The following KDM5A variants were observed in gnomAD, a reference collection of about 807,000 sequenced individuals.
KDM5A encodes the protein lysine-specific demethylase 5A.
KDM5A carries 42 observed loss-of-function variants against 193.5 expected under a neutral mutation model. That is an observed-to-expected ratio of 0.22 (90% CI 0.17 to 0.28). The LOEUF is 0.28. KDM5A is among the 10% of genes least tolerant of loss of function. The pLI, the probability that KDM5A is intolerant of heterozygous loss-of-function variation, is 1.00. For synonymous variants in KDM5A, 796 were observed against 718.1 expected (o/e 1.11, Z -1.73); for missense variants, 1,692 against 2,055.1 (o/e 0.82, Z 3.42).
At chr12:373,159 A>C (rs1336643081) in intron 3 of KDM5A, among the ~76,000 whole-genome samples, 1 of 152,234 alleles carries the variant, frequency 6.6e-6, no homozygotes, top group African/African-American at 2.4e-5. Flanking sequence ...ATAGTTTCAG[A>C]AAGAATGGTA....
At chr12:369,558 T>C (rs1020700432) in intron 3 of KDM5A, among the ~76,000 whole-genome samples, 2 of 152,120 alleles carry the variant, frequency 1.3e-5, no homozygotes, top group Non-Finnish European at 2.9e-5. Context: ...AAAGATAATC[T>C]GAAGTATTAA....
At chr12:296,416 C>G (rs1943375246) in intron 25 of KDM5A, among the ~76,000 whole-genome samples, 1 of 152,000 alleles carries the variant, frequency 6.6e-6, no homozygotes, top group Non-Finnish European at 1.5e-5. Context: ...CAGAATCTCT[C>G]CATTTTAGAG....
intron 3 of KDM5A, among the ~76,000 whole-genome samples, chr12:371,391 G>A (rs566267104): frequency 1.4e-3 from 217 of 152,262 alleles, no homozygotes; most frequent in Non-Finnish European, 2.2e-3. Flanking sequence ...TCATGTGTCT[G>A]TTGGCTGCAT....
At chr12:325,083 T>C (rs1021871261) in intron 14 of KDM5A, among the ~76,000 whole-genome samples, 2 of 152,242 alleles carry the variant, frequency 1.3e-5, no homozygotes, top group African/African-American at 2.4e-5. Flanking sequence ...TCTTTCATCA[T>C]ACACTGTTTT....
rs745631640 is a variant in KDM5A, at chr12:311,034, G to T, written c.3067C>A (p.Leu1023Ile). The T allele has an allele frequency of 6.2e-7, 1 of 1,614,178 alleles. No individual in the cohort carries two copies. The highest frequency in any genetic ancestry group is 8.5e-7 in the Non-Finnish European group (1 of 1,180,036). ...CGTCCTTTCGCAGACAAGCTCTCAA[G>T]CTGCTCCAAATAAGCGTAATTGCTG... is the stretch of plus-strand genomic sequence containing the variant. Reference protein sequence around the residue: ...SGSNYAYLEQLESLSAKGRPI... With the variant: ...SGSNYAYLEQIESLSAKGRPI... The change falls in exon 21 of 28, where the codon CTT (leucine) becomes ATT (isoleucine). Residue 1023 changes from leucine to isoleucine, a missense_variant. Physicochemically the swap from Leu to Ile is conservative, Grantham distance 5. Transcript: ENST00000399788.
At chr12:370,518 T>C (rs751771280) in intron 3 of KDM5A, among the ~76,000 whole-genome samples, 2 of 152,190 alleles carry the variant, frequency 1.3e-5, no homozygotes, top group Non-Finnish European at 2.9e-5. Flanking sequence ...ATACATGGCA[T>C]GCACTTGAAT....
At chr12:329,903 A>C (rs1384252381) in intron 13 of KDM5A, among the ~76,000 whole-genome samples, 1 of 152,148 alleles carries the variant, frequency 6.6e-6, no homozygotes, top group African/African-American at 2.4e-5. Context: ...AAGAGAAAAA[A>C]TAAGAAAATG....
intron 7 of KDM5A, 48 bp downstream of exon 7, chr12:355,110 A>G (rs747894914): frequency 1.0e-5 from 12 of 1,164,674 alleles, no homozygotes; most frequent in South Asian, 2.4e-5. Context: ...GTGCAAAACT[A>G]TAATAAAAAT....
At chr12:299,762 G>C (rs959584305) in intron 24 of KDM5A, among the ~76,000 whole-genome samples, 2 of 151,954 alleles carry the variant, frequency 1.3e-5, no homozygotes, top group African/African-American at 4.8e-5. Flanking sequence ...TGGATAAAGA[G>C]TCAAGACCCA....
chr12:333,614 T>C lies in KDM5A; in HGVS notation c.1526A>G (p.His509Arg), dbSNP rs769208776. ...EPKTWYGVPS[H>R]AAEQLEEVMR... is the part of the protein sequence containing the mutation. ...CACCTCCTCCAGTTGCTCTGCAGCA[T>C]GAGATGGCACACCATACCATGTCTT... is the stretch of plus-strand genomic sequence containing the variant. Residue 509 changes from histidine (H) to arginine (R), a missense_variant, in exon 12 of 28, where the codon CAT becomes CGT. Transcript: ENST00000399788. 1 of 1,613,938 alleles carries C rather than the reference T, an allele frequency of 6.2e-7. No individual in the cohort carries two copies. Among genetic ancestry groups the C allele is most frequent in the Admixed American group, 1.7e-5 (1 of 60,008 alleles).
At position 389,310 on chromosome 12, in the gene KDM5A, A is replaced by T; in HGVS notation, c.-219T>A. On this transcript the variant is annotated 5_prime_UTR_variant, in exon 1 of 28. Transcript: ENST00000399788. ...GAGGTTCAGGACTTTTCCGGAAGTT[A>T]CCGTGCTGTCAAATCCCTCCGCCCC... is the stretch of plus-strand genomic sequence containing the variant. The T allele has an allele frequency of 1.5e-6, 1 of 680,346 alleles. No homozygotes were observed. The highest frequency in any genetic ancestry group is 2.7e-6 in the Non-Finnish European group (1 of 373,028). The allele number at this position is 680,346 out of a possible 1,614,324, so 42.1% of individuals were successfully genotyped here. A position where few individuals can be genotyped will look rare whatever the true frequency, so the allele number is the denominator to read the frequency against.
chr12:366,741 AT>A (rs1486496862), intron 3 of KDM5A, among the ~76,000 whole-genome samples: 1 of 152,252 alleles, frequency 6.6e-6, no homozygotes, highest in Non-Finnish European at 1.5e-5. Flanking sequence ...GAATGGTCAC[AT>A]CAAGCCAGGC....
chr12:389,291 C>T lies in KDM5A; in HGVS notation c.-200G>A, dbSNP rs1944699952. 1 of 701,810 alleles carries T rather than the reference C, an allele frequency of 1.4e-6. No homozygotes were observed. Among genetic ancestry groups the T allele is most frequent in the Non-Finnish European group, 2.6e-6 (1 of 388,248 alleles). 43.5% of individuals were successfully genotyped at this position (701,810 alleles called of 1,614,324 possible). A position where few individuals can be genotyped will look rare whatever the true frequency, so the allele number is the denominator to read the frequency against. ...CTTGCAAGGCTTTTCCACTGAGGTT[C>T]AGGACTTTTCCGGAAGTTACCGTGC... On this transcript the variant is annotated 5_prime_UTR_variant, in exon 1 of 28. Coordinates refer to ENST00000399788, the MANE Select transcript of KDM5A (RefSeq NM_001042603.3).
At chr12:382,011 ATGTTGCCT>A (rs1944579343) in intron 3 of KDM5A, among the ~76,000 whole-genome samples, 1 of 152,072 alleles carries the variant, frequency 6.6e-6, no homozygotes, top group African/African-American at 2.4e-5. Flanking sequence ...GAGTCTCACT[ATGTTGCCT>A]AGCCTGGTCT....
intron 27 of KDM5A, 91 bp from the exon 28 acceptor site, chr12:285,753 T>C (rs528722962): frequency 2.9e-5 from 33 of 1,125,946 alleles, no homozygotes; most frequent in Admixed American, 8.5e-5. Context: ...GCTTAAACAA[T>C]AGCAAACAAC....
At chr12:329,931 T>C (rs2137420248) in intron 13 of KDM5A, among the ~76,000 whole-genome samples, 1 of 152,210 alleles carries the variant, frequency 6.6e-6, no homozygotes, top group East Asian at 1.9e-4. Flanking sequence ...AAGAGCCTTT[T>C]AGAATTCATC....
rs1255186042 is a variant in KDM5A, at chr12:293,066, C to T, written c.4559G>A (p.Gly1520Glu). The change falls in exon 27 of 28, where the codon GGA (glycine) becomes GAA (glutamate). Residue 1520 changes from glycine to glutamate, a missense_variant. Transcript: ENST00000399788. ...CTTTAACTCCTTGGACTTCTGTTTT[C>T]CTTCTCCAAAAAGTTGCTCTACCTT... is the stretch of plus-strand genomic sequence containing the variant. ...LEKVEQLFGE[G>E]KQKSKELKKM... 15 of 1,586,286 alleles carry T rather than the reference C, an allele frequency of 9.5e-6. No homozygotes were observed. The East Asian group carries it at 1.8e-4, about 19-fold the overall frequency.
At chr12:309,744 A>G (rs1943559093) in intron 22 of KDM5A, 59 bp downstream of exon 22, 3 of 1,557,412 alleles carry the variant, frequency 1.9e-6, no homozygotes, top group Non-Finnish European at 2.7e-6. Flanking sequence ...GAGTCTGCTA[A>G]TATCTCTACA....
At chr12:362,852 A>C in intron 5 of KDM5A, 111 bp downstream of exon 5, 1 of 979,440 alleles carries the variant, frequency 1.0e-6, no homozygotes, top group South Asian at 1.4e-5. Context: ...GCAATACTCA[A>C]GAGGCGGAGG....
Sources: gnomAD v4.1 joint callset for allele counts (sites outside exome capture counted in the v4.1 genomes callset) on GRCh38, gnomAD v4.1.1 for gene constraint, MANE v1.5 for transcripts, NCBI Gene and HGNC (gene_info 2026-07-23, HGNC 2026-07-21) for gene names.